The following ROBO2 variants were observed in gnomAD, a reference collection of about 807,000 sequenced individuals.
ROBO2 encodes the protein roundabout homolog 2.
ROBO2 carries 53 observed loss-of-function variants against 160.8 expected under a neutral mutation model. That is an observed-to-expected ratio of 0.33 (90% CI 0.26 to 0.41). The LOEUF (loss-of-function observed/expected upper bound fraction) is 0.41, where lower values mean the gene tolerates loss of function less well. Ranked by LOEUF, ROBO2 falls within the 10% of genes least tolerant of loss-of-function variation. ROBO2 has a pLI of 1.00. For synonymous variants in ROBO2, 664 were observed against 611.7 expected, an observed-to-expected ratio of 1.09 and a Z score of -1.26; for missense variants, 1,577 against 1,722.4, an observed-to-expected ratio of 0.92 and a Z score of 1.49.
chr3:77,014,587 G>A (rs2062122134), intron 2 of ROBO2, among the ~76,000 whole-genome samples: 1 of 152,170 alleles, frequency 6.6e-6, no homozygotes, highest in Admixed American at 6.5e-5. Context: ...TCAGTCTCCT[G>A]CAGCTCTATT....
At chr3:76,131,476 A>G (rs2071218240) in intron 2 of ROBO2, among the ~76,000 whole-genome samples, 1 of 152,224 alleles carries the variant, frequency 6.6e-6, no homozygotes, top group Middle Eastern at 3.4e-3. Context: ...GTGAACTGAG[A>G]CAATGCCCAT....
chr3:76,701,883 T>C (rs1369189767), intron 2 of ROBO2, among the ~76,000 whole-genome samples: 2 of 151,416 alleles, frequency 1.3e-5, no homozygotes, highest in African/African-American at 2.4e-5. Flanking sequence ...CTTTTATGTT[T>C]AAAGAAGTTG....
At chr3:76,330,748 T>C (rs2073421391) in intron 2 of ROBO2, among the ~76,000 whole-genome samples, 1 of 152,178 alleles carries the variant, frequency 6.6e-6, no homozygotes, top group Non-Finnish European at 1.5e-5. Flanking sequence ...TAAATGAAAA[T>C]ACCAAATGTC....
intron 2 of ROBO2, among the ~76,000 whole-genome samples, chr3:76,316,836 C>T (rs1054343353): frequency 1.8e-4 from 28 of 152,246 alleles, no homozygotes; most frequent in South Asian, 1.2e-3. Context: ...TTATGTTCCT[C>T]GGCCGCGGCT....
intron 6 of ROBO2, among the ~76,000 whole-genome samples, chr3:77,532,182 G>C (rs1209591476): frequency 6.6e-6 from 1 of 151,966 alleles, no homozygotes; most frequent in Non-Finnish European, 1.5e-5. Context: ...CAGGAGGAGA[G>C]GCTGGGTCTT....
intron 4 of ROBO2, among the ~76,000 whole-genome samples, chr3:77,489,999 G>C (rs1459458454): frequency 6.6e-6 from 1 of 151,920 alleles, no homozygotes; most frequent in Non-Finnish European, 1.5e-5. Flanking sequence ...TGGTGGCTTT[G>C]GTTCTTCTTC....
intron 2 of ROBO2, among the ~76,000 whole-genome samples, chr3:76,412,094 A>G (rs3849485): frequency 0.19 from 29,172 of 152,132 alleles, 5,745 homozygotes; most frequent in African/African-American, 0.48. Flanking sequence ...CACTTCTGAC[A>G]TGGCGGTGGC....
At chr3:76,546,703 T>C (rs530826417) in intron 2 of ROBO2, among the ~76,000 whole-genome samples, 1 of 152,142 alleles carries the variant, frequency 6.6e-6, no homozygotes, top group East Asian at 1.9e-4. Context: ...AGGAAATTAA[T>C]ATGTTACCCA....
Position 76,896,325 on chromosome 3 carries a change from A to G in ROBO2, c.110-201689A>G, listed in dbSNP as rs141239510. 1.5e-3 allele frequency among the ~76,000 whole-genome samples: 231 copies of G among 152,294 alleles called. 2 individuals carry two copies. The East Asian group carries it at 0.025, about 17-fold the overall frequency. ...TGAACACATTATCTTTTCATTTAAAATAGTAAAAGTAGCCTCAATCTTTGA... is the reference window on the plus strand; with the variant it reads ...TGAACACATTATCTTTTCATTTAAAGTAGTAAAAGTAGCCTCAATCTTTGA... On this transcript the variant is annotated intron_variant, in intron 2 of 26. Transcript: ENST00000487694.
At chr3:76,759,498 A>G (rs141715581) in intron 2 of ROBO2, among the ~76,000 whole-genome samples, 35 of 151,874 alleles carry the variant, frequency 2.3e-4, no homozygotes, top group African/African-American at 8.2e-4. Flanking sequence ...ATATTAATAT[A>G]TATAGAAGGT....
chr3:77,416,914 G>T (rs187954972), intron 2 of ROBO2, among the ~76,000 whole-genome samples: 77 of 152,188 alleles, frequency 5.1e-4, no homozygotes, highest in African/African-American at 1.7e-3. Context: ...GATTTCATTT[G>T]TCAAGATGTA....
chr3:77,462,853 C>T (rs1194140354), intron 2 of ROBO2, among the ~76,000 whole-genome samples: 1 of 152,052 alleles, frequency 6.6e-6, no homozygotes, highest in Non-Finnish European at 1.5e-5. Context: ...CACATTCCAG[C>T]ATGTTTCTTT....
chr3:75,971,752 A>G (rs186396662), intron 2 of ROBO2, among the ~76,000 whole-genome samples: 23 of 151,630 alleles, frequency 1.5e-4, no homozygotes, highest in Admixed American at 2.0e-4. Flanking sequence ...ATACACCAAT[A>G]TATATAAAAT....
chr3:77,218,579 G>C (rs907199022), intron 2 of ROBO2, among the ~76,000 whole-genome samples: 2 of 151,936 alleles, frequency 1.3e-5, no homozygotes, highest in Non-Finnish European at 1.5e-5. Context: ...TTACCATCTT[G>C]GCCAGGCTGG....
intron 2 of ROBO2, among the ~76,000 whole-genome samples, chr3:75,976,631 T>TA (rs2065140871): frequency 6.6e-6 from 1 of 151,554 alleles, no homozygotes; most frequent in Non-Finnish European, 1.5e-5. Flanking sequence ...AATAAAAATT[T>TA]AAAAATCAAT....
chr3:77,464,583 A>G (rs1014673743), intron 2 of ROBO2, among the ~76,000 whole-genome samples: 4 of 152,182 alleles, frequency 2.6e-5, no homozygotes, highest in African/African-American at 7.2e-5. Context: ...ATTTCCTGGA[A>G]CTGTCCTGCA....
At chr3:76,036,104 A>C (rs974669943) in intron 2 of ROBO2, among the ~76,000 whole-genome samples, 5 of 152,112 alleles carry the variant, frequency 3.3e-5, no homozygotes, top group Non-Finnish European at 7.4e-5. Flanking sequence ...TCTTTGGTGT[A>C]GGGATGATGT....
intron 2 of ROBO2, among the ~76,000 whole-genome samples, chr3:77,290,055 C>A (rs1338758863): frequency 1.3e-5 from 2 of 150,448 alleles, no homozygotes; most frequent in Admixed American, 6.6e-5. Context: ...TAAGCTGAGG[C>A]TAGATCACCA....
intron 2 of ROBO2, among the ~76,000 whole-genome samples, chr3:76,392,342 C>G (rs2077195709): frequency 6.6e-6 from 1 of 152,080 alleles, no homozygotes. Flanking sequence ...TGTGTTCATG[C>G]ATAGTGAATA....
Sources: gnomAD v4.1 joint callset for allele counts (sites outside exome capture counted in the v4.1 genomes callset) on GRCh38, gnomAD v4.1.1 for gene constraint, MANE v1.5 for transcripts, NCBI Gene and HGNC (gene_info 2026-07-23, HGNC 2026-07-21) for gene names.